CSMD1: variants seen among roughly 807,000 people sequenced by gnomAD.
The protein encoded by CSMD1 is CUB and sushi domain-containing protein 1.
A neutral mutation model predicts 417.5 loss-of-function variants in CSMD1; 213 were observed. The observed-to-expected ratio is 0.51, with a 90% CI of 0.46 to 0.57. The LOEUF (loss-of-function observed/expected upper bound fraction) is 0.57. CSMD1 is among the 20% of genes least tolerant of loss of function. The pLI is 0.00. For missense variants in CSMD1, 6,923 were observed against 4,529.7 expected (o/e 1.53, Z -15.17); for synonymous variants, 2,862 against 1,736.8 (o/e 1.65, Z -16.11).
intron 3 of CSMD1, among the ~76,000 whole-genome samples, chr8:4,203,101 G>A (rs1012517776): frequency 1.3e-5 from 2 of 152,188 alleles, no homozygotes; most frequent in African/African-American, 4.8e-5. Context: ...TTATCTGTGT[G>A]GGTTCCCTGT....
At chr8:4,845,876 T>C (rs939494966) in intron 1 of CSMD1, among the ~76,000 whole-genome samples, 1 of 152,334 alleles carries the variant, frequency 6.6e-6, no homozygotes, top group South Asian at 2.1e-4. Flanking sequence ...AATGAGGATT[T>C]TGTCAGTCAC....
intron 18 of CSMD1, among the ~76,000 whole-genome samples, chr8:3,385,884 C>T (rs954980181): frequency 6.6e-6 from 1 of 151,876 alleles, no homozygotes; most frequent in Non-Finnish European, 1.5e-5. Flanking sequence ...TATGCATAGT[C>T]CATGTTGCAG....
At chr8:3,298,901 A>T (rs1019642098) in intron 25 of CSMD1, among the ~76,000 whole-genome samples, 1 of 152,154 alleles carries the variant, frequency 6.6e-6, no homozygotes, top group Admixed American at 6.5e-5. Flanking sequence ...TTCTGGTTAC[A>T]TGGGGGTGTT....
intron 10 of CSMD1, among the ~76,000 whole-genome samples, chr8:3,557,491 C>A (rs1159650516): frequency 6.6e-6 from 1 of 151,896 alleles, no homozygotes; most frequent in Admixed American, 6.6e-5. Context: ...ATTTAAACAA[C>A]ATGTCTCATT....
At chr8:3,482,310 T>A (rs1317619703) in intron 11 of CSMD1, among the ~76,000 whole-genome samples, 1 of 152,076 alleles carries the variant, frequency 6.6e-6, no homozygotes, top group African/African-American at 2.4e-5. Flanking sequence ...CCAGGCATAT[T>A]GATAGTAAAA....
At chr8:4,009,620 A>G (rs2130425783) in intron 4 of CSMD1, among the ~76,000 whole-genome samples, 1 of 152,328 alleles carries the variant, frequency 6.6e-6, no homozygotes, top group African/African-American at 2.4e-5. Flanking sequence ...GGAAATATCC[A>G]GGAAAGAAAT....
chr8:4,734,854 T>C (rs143291747), intron 1 of CSMD1, among the ~76,000 whole-genome samples: 1 of 152,276 alleles, frequency 6.6e-6, no homozygotes, highest in African/African-American at 2.4e-5. Flanking sequence ...CTCTCCTTGG[T>C]GAAGATTCCA....
rs543079563 is a variant in CSMD1, at chr8:4,274,563, C to G, written c.415+145390G>C. ...AGAGGTCTGTGTTTATAGGGAAGGCCTTCTGTTCTTTAAATTATATCTATT... is the reference window on the plus strand; with the variant it reads ...AGAGGTCTGTGTTTATAGGGAAGGCGTTCTGTTCTTTAAATTATATCTATT... On this transcript the variant is annotated intron_variant, in intron 3 of 69. Transcript: ENST00000635120. Among the ~76,000 whole-genome samples, 57 of 152,164 alleles carry G rather than the reference C, an allele frequency of 3.7e-4. No individual in the cohort carries two copies. The South Asian group carries it at 0.011, about 30-fold the overall frequency.
intron 50 of CSMD1, among the ~76,000 whole-genome samples, chr8:3,041,460 C>T (rs1347580074): frequency 1.3e-5 from 2 of 152,082 alleles, no homozygotes; most frequent in African/African-American, 4.8e-5. Flanking sequence ...CTTTTTCTAG[C>T]AACATTTAAA....
At chr8:4,655,464 G>A (rs1436258229) in intron 1 of CSMD1, among the ~76,000 whole-genome samples, 1 of 152,034 alleles carries the variant, frequency 6.6e-6, no homozygotes, top group East Asian at 1.9e-4. Context: ...ATGGATTCTG[G>A]CTTATTTTTT....
At chr8:3,253,190 A>T (rs992562368) in intron 26 of CSMD1, among the ~76,000 whole-genome samples, 5 of 150,982 alleles carry the variant, frequency 3.3e-5, no homozygotes, top group Admixed American at 6.6e-5. Context: ...CCCTCTACAC[A>T]CTGCTTTGTA....
chr8:4,257,274 A>G (rs867402096), intron 3 of CSMD1, among the ~76,000 whole-genome samples: 11 of 152,112 alleles, frequency 7.2e-5, no homozygotes, highest in African/African-American at 2.4e-4. Context: ...GTCTTTCTGT[A>G]CCCTTTCTGT....
intron 6 of CSMD1, among the ~76,000 whole-genome samples, chr8:3,720,107 A>T (rs1036432056): frequency 6.6e-6 from 1 of 152,226 alleles, no homozygotes; most frequent in African/African-American, 2.4e-5. Flanking sequence ...GTTACATTCA[A>T]CGTGGAATGT....
chr8:4,718,425 G>A (rs1808830973), intron 1 of CSMD1, among the ~76,000 whole-genome samples: 1 of 152,086 alleles, frequency 6.6e-6, no homozygotes, highest in African/African-American at 2.4e-5. Context: ...CTAAAACCAG[G>A]CTGATTCTTA....
At chr8:3,146,841 T>C (rs753661411) in intron 40 of CSMD1, among the ~76,000 whole-genome samples, 4 of 152,224 alleles carry the variant, frequency 2.6e-5, no homozygotes, top group Non-Finnish European at 5.9e-5. Flanking sequence ...GAATGGGCTC[T>C]GGGAGTAGAG....
At chr8:3,600,982 A>G (rs1173708284) in intron 8 of CSMD1, among the ~76,000 whole-genome samples, 1 of 152,208 alleles carries the variant, frequency 6.6e-6, no homozygotes, top group Non-Finnish European at 1.5e-5. Context: ...AACTATTCCA[A>G]GGGGGTCTCT....
intron 2 of CSMD1, among the ~76,000 whole-genome samples, chr8:4,582,075 T>C (rs1426528031): frequency 6.6e-6 from 1 of 152,130 alleles, no homozygotes; most frequent in Admixed American, 6.5e-5. Context: ...GAGCCTCTTT[T>C]TTTTTTTTGG....
rs142442364 is a variant in CSMD1 at position 3,342,261 on chromosome 8, C to T, written c.3631+1033G>A. Among the ~76,000 whole-genome samples, 46 of 152,224 alleles carry T rather than the reference C, an allele frequency of 3.0e-4. No individual in the cohort carries two copies. In the East Asian group the frequency reaches 7.3e-3, roughly 24 times the overall value. Reference sequence around the variant, plus strand: ...AGAGGGATTTGAGGTGATTAATCTTCGTCTTAGGCTCCTGGATTAGCTCTG... The same window carrying T: ...AGAGGGATTTGAGGTGATTAATCTTTGTCTTAGGCTCCTGGATTAGCTCTG... On this transcript the variant is annotated intron_variant, in intron 23 of 69. Coordinates refer to ENST00000635120, the MANE Select transcript of CSMD1 (RefSeq NM_033225.6).
intron 5 of CSMD1, among the ~76,000 whole-genome samples, chr8:3,853,644 C>T (rs922402209): frequency 4.0e-5 from 6 of 151,870 alleles, no homozygotes; most frequent in African/African-American, 1.5e-4. Flanking sequence ...GAGCAATGCT[C>T]CTCCGAAGGA....
Sources: allele counts gnomAD v4.1 joint callset (sites outside exome capture counted in the v4.1 genomes callset), GRCh38; gene constraint gnomAD v4.1.1; transcripts MANE v1.5; gene names NCBI Gene and HGNC (gene_info 2026-07-23, HGNC 2026-07-21).